Variants in MTFMT observed in about 807,000 individuals in gnomAD.
The protein encoded by MTFMT is methionyl-tRNA formyltransferase, mitochondrial.
MTFMT carries 47 observed loss-of-function variants against 51.8 expected under a neutral mutation model. The observed-to-expected ratio is 0.91, with a 90% CI of 0.72 to 1.16. MTFMT has a LOEUF of 1.16. Ranked by LOEUF, MTFMT falls within the 50% of genes most tolerant of loss-of-function variation. The pLI is 0.00. For missense variants in MTFMT, 512 were observed against 482.3 expected, an observed-to-expected ratio of 1.06 and a Z score of -0.58; for synonymous variants, 196 against 176.7, an observed-to-expected ratio of 1.11 and a Z score of -0.87.
At chr15:65,011,167 C>CA (rs1449979179) in intron 6 of MTFMT, among the ~76,000 whole-genome samples, 1 of 151,832 alleles carries the variant, frequency 6.6e-6, no homozygotes. Flanking sequence ...ACTAAAAGTA[C>CA]AAAAATTAGC....
At position 65,002,962 on chromosome 15, in the gene MTFMT, C is replaced by CAAAAAAAAAAA; in HGVS notation, c.*89_*99dup. 1 of 321,598 alleles carries CAAAAAAAAAAA rather than the reference C, an allele frequency of 3.1e-6. No individual in the cohort carries two copies. Among genetic ancestry groups the CAAAAAAAAAAA allele is most frequent in the Non-Finnish European group, 4.4e-6 (1 of 225,296 alleles). The allele number at this position is 321,598 out of a possible 1,614,324, so 19.9% of individuals were successfully genotyped here. On this transcript the variant is annotated 3_prime_UTR_variant, in exon 9 of 9. Transcript: ENST00000220058. ...TGGGTGACAGAGTGAGACTCTGTCT[C>CAAAAAAAAAAA]AAAAAAAAAAAAAAAAAAAAAAGTC...
At chr15:65,018,111 T>C (rs1453482374) in intron 5 of MTFMT, among the ~76,000 whole-genome samples, 2 of 151,870 alleles carry the variant, frequency 1.3e-5, no homozygotes, top group African/African-American at 2.4e-5. Context: ...GTAAATATTT[T>C]ATGCATTCAA....
intron 5 of MTFMT, among the ~76,000 whole-genome samples, chr15:65,018,643 G>GAC (rs2086344425): frequency 6.6e-6 from 1 of 152,110 alleles, no homozygotes; most frequent in African/African-American, 2.4e-5. Context: ...TGAGCCAGAG[G>GAC]ACACATAGGC....
intron 1 of MTFMT, among the ~76,000 whole-genome samples, chr15:65,028,293 G>A (rs1480571837): frequency 2.0e-5 from 3 of 152,168 alleles, no homozygotes; most frequent in Admixed American, 6.5e-5. Context: ...GTGCACGCCC[G>A]TAGTCCTAGC....
intron 6 of MTFMT, among the ~76,000 whole-genome samples, chr15:65,015,578 T>C (rs113160196): frequency 0.017 from 2,544 of 152,316 alleles, 30 homozygotes; most frequent in Admixed American, 0.024. Flanking sequence ...GGCTCGTGCC[T>C]GTAATCCCAG....
At chr15:65,013,548 T>C (rs2086288254) in intron 6 of MTFMT, among the ~76,000 whole-genome samples, 1 of 152,242 alleles carries the variant, frequency 6.6e-6, no homozygotes, top group Admixed American at 6.5e-5. Flanking sequence ...TTTTTCTGCA[T>C]CTATTGAGAC....
rs186670294 is a variant in MTFMT, at chr15:65,004,931, T to A, written c.898A>T (p.Lys300Ter). Residue 300 changes from lysine (K) to a stop codon, truncating the protein, a stop_gained, in exon 8 of 9, where the codon AAA becomes TAA. Transcript: ENST00000220058. LOFTEE classifies it high-confidence loss of function. ...GGAATAAGAGCCTGTCCCGTTAATT[T>A]TGGATCTGAAGAATGGAAAAAAGAA... is the stretch of plus-strand genomic sequence containing the variant. ...EVNSSVLADP[K>*]LTGQALIPGS... 1.2e-6 allele frequency: 2 copies of A among 1,609,624 alleles called. No homozygotes were observed. The highest frequency in any genetic ancestry group is 3.3e-5 in the Admixed American group (2 of 59,966).
chr15:65,003,792 G>T (rs917398564), intron 8 of MTFMT, among the ~76,000 whole-genome samples: 1 of 125,050 alleles, frequency 8.0e-6, no homozygotes, highest in African/African-American at 2.9e-5. Flanking sequence ...GGAGGTGGAG[G>T]TTGCAGTGAG....
intron 6 of MTFMT, among the ~76,000 whole-genome samples, chr15:65,014,322 A>ATTTT (rs35599676): frequency 5.7e-5 from 7 of 123,104 alleles, no homozygotes; most frequent in African/African-American, 1.5e-4. Flanking sequence ...ACACTATTTG[A>ATTTT]TTTTTTTTTT....
At chr15:65,020,132 G>T in intron 5 of MTFMT, 65 bp downstream of exon 5, 1 of 1,442,436 alleles carries the variant, frequency 6.9e-7, no homozygotes, top group South Asian at 1.3e-5. Flanking sequence ...AAGTCAGAAT[G>T]TTCAGATGCT....
At chr15:65,010,172 A>G (rs557689101) in intron 6 of MTFMT, among the ~76,000 whole-genome samples, 83 of 151,860 alleles carry the variant, frequency 5.5e-4, no homozygotes, top group Non-Finnish European at 2.6e-4. Flanking sequence ...ACTCTTTTCC[A>G]TCTTGGGTTG....
chr15:65,024,832 A>G (rs2086408085), intron 2 of MTFMT, among the ~76,000 whole-genome samples: 1 of 152,230 alleles, frequency 6.6e-6, no homozygotes, highest in Non-Finnish European at 1.5e-5. Flanking sequence ...TGAGGGGGAC[A>G]TATTACAATT....
intron 1 of MTFMT, among the ~76,000 whole-genome samples, chr15:65,028,070 G>A (rs776212145): frequency 1.3e-5 from 2 of 152,108 alleles, no homozygotes; most frequent in Non-Finnish European, 2.9e-5. Flanking sequence ...GTATGTCCTG[G>A]GGCACTATAA....
intron 3 of MTFMT, 96 bp from the exon 4 acceptor site, chr15:65,021,712 C>CTGCA (rs2086375419): frequency 3.2e-6 from 3 of 939,938 alleles, no homozygotes; most frequent in East Asian, 4.9e-5. Context: ...GTACAGTGGT[C>CTGCA]TGCATGCCTA....
chr15:65,006,378 CTTT>C (rs796457972), intron 6 of MTFMT, among the ~76,000 whole-genome samples, 187 bp from the exon 7 acceptor site: 6 of 136,210 alleles, frequency 4.4e-5, no homozygotes, highest in Non-Finnish European at 6.3e-5. Context: ...TTTATAAGAT[CTTT>C]TTTTTTTTTT....
chr15:65,005,607 G>A (rs1483400041), intron 7 of MTFMT, among the ~76,000 whole-genome samples: 1 of 91,966 alleles, frequency 1.1e-5, no homozygotes, highest in Non-Finnish European at 2.1e-5. Context: ...GTCCTGTAAT[G>A]ATTTTTTTTT....
intron 4 of MTFMT, 97 bp downstream of exon 4, chr15:65,021,417 T>C (rs1356836846): frequency 6.9e-6 from 6 of 873,534 alleles, no homozygotes; most frequent in Non-Finnish European, 1.1e-5. Flanking sequence ...TTTTTGTTTT[T>C]AAGAAAATTA....
intron 6 of MTFMT, among the ~76,000 whole-genome samples, chr15:65,008,517 C>T (rs1283081960): frequency 6.6e-6 from 1 of 152,210 alleles, no homozygotes; most frequent in Non-Finnish European, 1.5e-5. Flanking sequence ...AGAAATGCAG[C>T]TATTTTCCCA....
At chr15:65,009,685 C>T (rs1156555844) in intron 6 of MTFMT, among the ~76,000 whole-genome samples, 2 of 22,084 alleles carry the variant, frequency 9.1e-5, no homozygotes, top group African/African-American at 2.1e-4. Flanking sequence ...CCGGATCTTG[C>T]TCTGTCATCC....
Sources: gnomAD v4.1 joint callset for allele counts (sites outside exome capture counted in the v4.1 genomes callset) on GRCh38, gnomAD v4.1.1 for gene constraint, MANE v1.5 for transcripts, NCBI Gene and HGNC (gene_info 2026-07-23, HGNC 2026-07-21) for gene names.